TYW1B: variants seen among roughly 807,000 people sequenced by gnomAD.
TYW1B encodes the protein tRNA-yW synthesizing protein 1 homolog B.
A neutral mutation model predicts 86.9 loss-of-function variants in TYW1B; 73 were observed. That is an observed-to-expected ratio of 0.84 (90% CI 0.70 to 1.02). The LOEUF (loss-of-function observed/expected upper bound fraction) is 1.02, where lower values mean the gene tolerates loss of function less well. Ranked by LOEUF, TYW1B falls within the 50% of genes least tolerant of loss-of-function variation. The pLI, the probability that TYW1B is intolerant of heterozygous loss-of-function variation, is 0.00. For synonymous variants in TYW1B, 248 were observed against 292.8 expected (o/e 0.85, Z 1.56); for missense variants, 637 against 827.4 (o/e 0.77, Z 2.82).
At chr7:72,688,843 G>GT (rs1328185247) in intron 11 of TYW1B, among the ~76,000 whole-genome samples, 2 of 152,182 alleles carry the variant, frequency 1.3e-5, no homozygotes, top group African/African-American at 4.8e-5. Flanking sequence ...ACGATATTAG[G>GT]TAAAAGGTCT....
chr7:72,663,009 A>G (rs1208904312), intron 11 of TYW1B, among the ~76,000 whole-genome samples: 1 of 152,182 alleles, frequency 6.6e-6, no homozygotes, highest in Admixed American at 6.5e-5. Flanking sequence ...TAAATCAAAC[A>G]TGATGATTCT....
chr7:72,676,530 G>T (rs1198029910), intron 11 of TYW1B, among the ~76,000 whole-genome samples: 1 of 152,184 alleles, frequency 6.6e-6, no homozygotes, highest in Non-Finnish European at 1.5e-5. Flanking sequence ...GAACTGGTGG[G>T]GCTGCCATAC....
At chr7:72,728,696 T>G (rs576898707) in intron 9 of TYW1B, 126 bp downstream of exon 9, 2 of 920,866 alleles carry the variant, frequency 2.2e-6, no homozygotes, top group African/African-American at 3.4e-5. Flanking sequence ...TCCTACGAAG[T>G]TTTCACTTCC....
At chr7:72,703,602 C>A (rs782486347) in intron 10 of TYW1B, among the ~76,000 whole-genome samples, 2 of 151,698 alleles carry the variant, frequency 1.3e-5, no homozygotes, top group Non-Finnish European at 2.9e-5. Context: ...TGCCTGTAAT[C>A]CCAGCACTTT....
At chr7:72,589,908 T>A (rs1448826235) in intron 13 of TYW1B, among the ~76,000 whole-genome samples, 4 of 152,034 alleles carry the variant, frequency 2.6e-5, no homozygotes, top group African/African-American at 9.7e-5. Flanking sequence ...CAAACAAGTA[T>A]CAACTTGTTT....
intron 3 of TYW1B, among the ~76,000 whole-genome samples, chr7:72,811,400 G>T (rs549787585): frequency 6.2e-4 from 95 of 152,060 alleles, no homozygotes; most frequent in African/African-American, 1.5e-3. Flanking sequence ...TTTCAAACCT[G>T]AAGAGAAAAC....
chr7:72,664,836 T>C (rs1363232534), intron 11 of TYW1B, among the ~76,000 whole-genome samples: 1 of 152,192 alleles, frequency 6.6e-6, no homozygotes, highest in Non-Finnish European at 1.5e-5. Context: ...AGGAACCTCA[T>C]GGACGGCAAA....
At chr7:72,713,573 G>C (rs531419989) in intron 10 of TYW1B, 48 bp downstream of exon 10, 57 of 1,508,762 alleles carry the variant, frequency 3.8e-5, no homozygotes, top group Non-Finnish European at 5.0e-5. Context: ...TTACTTTGCA[G>C]TGAAACATAG....
intron 6 of TYW1B, among the ~76,000 whole-genome samples, chr7:72,798,404 A>T (rs1480046334): frequency 5.3e-5 from 8 of 151,780 alleles, no homozygotes; most frequent in Non-Finnish European, 1.0e-4. Context: ...AAAAAAAAAT[A>T]AGTCGATATC....
At chr7:72,741,511 T>C (rs1172552856) in intron 8 of TYW1B, among the ~76,000 whole-genome samples, 1 of 152,128 alleles carries the variant, frequency 6.6e-6, no homozygotes, top group Non-Finnish European at 1.5e-5. Flanking sequence ...CCATCAAGCA[T>C]ACCAACATAT....
chr7:72,632,264 AAT>A lies in TYW1B; in HGVS notation c.1507-3269_1507-3268del, dbSNP rs567073853. The stretch of plus-strand genomic sequence containing the variant: ...ACAGAGCAAGACCCTGTCTCCAAAA[AAT>A]ATATATATATATATACGTGTATATA... On this transcript the variant is annotated intron_variant, in intron 11 of 13. Transcript: ENST00000620995. Among the ~76,000 whole-genome samples, 983 of 105,632 alleles carry A rather than the reference AAT, an allele frequency of 9.3e-3. 35 individuals are homozygous for A. Among genetic ancestry groups the A allele is most frequent in the African/African-American group, 0.035 (873 of 24,946 alleles). 69.3% of individuals were successfully genotyped at this position (105,632 alleles called of 152,430 possible).
chr7:72,635,262 T>A (rs1157033142), intron 11 of TYW1B, among the ~76,000 whole-genome samples: 1 of 152,224 alleles, frequency 6.6e-6, no homozygotes, highest in Non-Finnish European at 1.5e-5. Flanking sequence ...TCTGGTTTTT[T>A]CTATTCTGTT....
intron 7 of TYW1B, among the ~76,000 whole-genome samples, chr7:72,758,827 A>G (rs1563084346): frequency 6.6e-6 from 1 of 152,210 alleles, no homozygotes. Context: ...TTTCTACAAA[A>G]TCGACATTCT....
intron 9 of TYW1B, among the ~76,000 whole-genome samples, chr7:72,727,148 G>A (rs1787014567): frequency 6.6e-6 from 1 of 152,128 alleles, no homozygotes. Context: ...AAGTGGTAAG[G>A]AGTATTATAA....
chr7:72,727,472 G>A (rs1787021496), intron 9 of TYW1B, among the ~76,000 whole-genome samples: 1 of 152,088 alleles, frequency 6.6e-6, no homozygotes, highest in South Asian at 2.1e-4. Context: ...GTACAGTAGT[G>A]GTTCTCAAAG....
chr7:72,671,408 TCTG>T (rs1813598198), intron 11 of TYW1B, among the ~76,000 whole-genome samples: 1 of 152,220 alleles, frequency 6.6e-6, no homozygotes, highest in African/African-American at 2.4e-5. Context: ...CTTCTAATCT[TCTG>T]CTATTAAAAA....
intron 10 of TYW1B, among the ~76,000 whole-genome samples, chr7:72,707,256 T>C (rs1214905500): frequency 6.6e-6 from 1 of 152,264 alleles, no homozygotes; most frequent in African/African-American, 2.4e-5. Context: ...CCCCCATCGC[T>C]GCTCTTTGAA....
intron 6 of TYW1B, among the ~76,000 whole-genome samples, chr7:72,797,975 C>T (rs1788333939): frequency 6.6e-6 from 1 of 151,208 alleles, no homozygotes; most frequent in South Asian, 2.1e-4. Context: ...CAAAGTCTTT[C>T]AGTGAACCCA....
At chr7:72,691,180 A>G (rs1242625769) in intron 11 of TYW1B, among the ~76,000 whole-genome samples, 1 of 145,396 alleles carries the variant, frequency 6.9e-6, no homozygotes. Flanking sequence ...AAGATCAGAC[A>G]TTCAGAAGGA....
Sources: allele counts gnomAD v4.1 joint callset (sites outside exome capture counted in the v4.1 genomes callset), GRCh38; gene constraint gnomAD v4.1.1; transcripts MANE v1.5; gene names NCBI Gene and HGNC (gene_info 2026-07-23, HGNC 2026-07-21).